CHD9: variants seen among roughly 807,000 people sequenced by gnomAD.
CHD9 encodes the protein ATP-dependent chromatin remodeler CHD9.
In CHD9, 77 loss-of-function variants were observed where a neutral mutation model predicts 316.1. That is an observed-to-expected ratio of 0.24 (90% CI 0.20 to 0.29). The LOEUF is 0.29. Ranked by LOEUF, CHD9 falls within the 10% of genes least tolerant of loss-of-function variation. The pLI is 1.00. For synonymous variants in CHD9, 1,129 were observed against 1,158.3 expected, an observed-to-expected ratio of 0.97 and a Z score of 0.51; for missense variants, 2,763 against 3,438.1, an observed-to-expected ratio of 0.80 and a Z score of 4.91.
chr16:53,222,890 A>G, intron 4 of CHD9, 135 bp downstream of exon 4: 2 of 544,122 alleles, frequency 3.7e-6, no homozygotes, highest in Non-Finnish European at 6.7e-6. Context: ...TGAAGGTAGC[A>G]TTATTACAAT....
At chr16:53,241,790 G>A (rs916601327) in intron 12 of CHD9, among the ~76,000 whole-genome samples, 9 of 152,092 alleles carry the variant, frequency 5.9e-5, no homozygotes, top group African/African-American at 1.9e-4. Flanking sequence ...CTTTTTAACT[G>A]TTCTCCATGA....
rs200649460 is a variant in CHD9 at position 53,324,143 on chromosome 16, G to A, written c.7942G>A (p.Ala2648Thr). ...IAKATAAAAAASATSVSGNPL... is the reference protein window; with the variant it reads ...IAKATAAAAATSATSVSGNPL... ...AAAGGCCACAGCAGCAGCAGCTGCT[G>A]CATCTGCCACCAGTGTTTCAGGCAA... The change falls in exon 39 of 39, where the codon GCA becomes ACA. Residue 2648 changes from alanine to threonine, a missense_variant. Coordinates refer to ENST00000447540, the MANE Select transcript of CHD9 (RefSeq NM_001308319.2). 4.3e-6 allele frequency: 7 copies of A among 1,613,992 alleles called. No homozygotes were observed. In the East Asian group the frequency reaches 1.3e-4, roughly 31 times the overall value.
chr16:53,136,094 T>C (rs1283071502), intron 1 of CHD9, among the ~76,000 whole-genome samples: 1 of 152,162 alleles, frequency 6.6e-6, no homozygotes, highest in Non-Finnish European at 1.5e-5. Context: ...GTAGAAGTTA[T>C]AGTTCAGTCA....
intron 1 of CHD9, among the ~76,000 whole-genome samples, chr16:53,086,623 T>C (rs996880145): frequency 2.0e-5 from 3 of 152,220 alleles, no homozygotes; most frequent in Admixed American, 1.3e-4. Flanking sequence ...AAAAAATCAT[T>C]TGTGAGGTGC....
At chr16:53,151,215 C>CCCCCT (rs1489167694) in intron 1 of CHD9, among the ~76,000 whole-genome samples, 1 of 119,696 alleles carries the variant, frequency 8.4e-6, no homozygotes, top group African/African-American at 3.3e-5. Context: ...CCTCCCCTCC[C>CCCCCT]CCCCTCCCCT....
intron 24 of CHD9, among the ~76,000 whole-genome samples, chr16:53,285,238 A>C (rs1438361320): frequency 6.6e-6 from 1 of 152,210 alleles, no homozygotes; most frequent in Non-Finnish European, 1.5e-5. Flanking sequence ...AAATGAAATA[A>C]TTGAACCAGA....
Position 53,115,854 on chromosome 16 carries a change from G to T in CHD9, c.-164-40072G>T, listed in dbSNP as rs138668140. 2.4e-3 allele frequency among the ~76,000 whole-genome samples: 371 copies of T among 152,280 alleles called. 1 individual carries two copies. Among genetic ancestry groups the T allele is most frequent in the African/African-American group, 8.6e-3 (358 of 41,572 alleles). On this transcript the variant is annotated intron_variant, in intron 1 of 38. Transcript: ENST00000447540. ...ACTAGGAAATTAGGAGTCAAAGAAGGCCTCTAATATGAGGAATTATTTTTG... is the reference window on the plus strand; with the variant it reads ...ACTAGGAAATTAGGAGTCAAAGAAGTCCTCTAATATGAGGAATTATTTTTG...
intron 37 of CHD9, chr16:53,321,023 T>TA: frequency 4.0e-6 from 1 of 249,648 alleles, no homozygotes; most frequent in Non-Finnish European, 8.1e-6. Context: ...AGTTTACATT[T>TA]AAAGTACTTA....
At chr16:53,076,431 C>T (rs896760445) in intron 1 of CHD9, among the ~76,000 whole-genome samples, 4 of 151,990 alleles carry the variant, frequency 2.6e-5, no homozygotes, top group African/African-American at 9.7e-5. Context: ...AAAAATTAGT[C>T]AGGCATGGTG....
intron 1 of CHD9, among the ~76,000 whole-genome samples, chr16:53,119,647 A>C (rs952534911): frequency 6.6e-6 from 1 of 152,180 alleles, no homozygotes; most frequent in Non-Finnish European, 1.5e-5. Flanking sequence ...AGCCTGGCCA[A>C]CATGGTGAAA....
rs777702592 is a variant in CHD9, at chr16:53,243,311, T to TTTTG, written c.3054+311_3054+314dup. On this transcript the variant is annotated intron_variant, in intron 13 of 38. Coordinates refer to ENST00000447540, the MANE Select transcript of CHD9 (RefSeq NM_001308319.2). ...AAGAAAATAAGACCGTAAGTTTTTG[T>TTTTG]TTTGTTTGTTTGTTTGTTTAAGATG... Among the ~76,000 whole-genome samples, 7 of 152,036 alleles carry TTTTG rather than the reference T, an allele frequency of 4.6e-5. No homozygotes were observed. The South Asian group carries it at 1.0e-3, about 23-fold the overall frequency.
chr16:53,227,428 A>G lies in CHD9; in HGVS notation c.2076A>G (p.Val692=). 1 of 1,572,266 alleles carries G rather than the reference A, an allele frequency of 6.4e-7. No homozygotes were observed. Among genetic ancestry groups the G allele is most frequent in the Non-Finnish European group, 8.6e-7 (1 of 1,157,632 alleles). ...CGAGTGAAGAAGATGCTGCAATTGT[A>G]GACAAAATTCTATCTTCTAGAACCG... ...ENPSEEDAAI[V]DKILSSRTVK... The change falls in exon 6 of 39, where the codon GTA becomes GTG. Residue 692 remains valine (V), a synonymous_variant. Transcript: ENST00000447540.
intron 2 of CHD9, among the ~76,000 whole-genome samples, chr16:53,204,612 A>G (rs1418080742): frequency 6.6e-6 from 1 of 151,902 alleles, no homozygotes; most frequent in Non-Finnish European, 1.5e-5. Context: ...GTGTATCATG[A>G]CTTGCTATTA....
At chr16:53,213,805 G>T (rs1430741159) in intron 3 of CHD9, among the ~76,000 whole-genome samples, 2 of 152,084 alleles carry the variant, frequency 1.3e-5, no homozygotes, top group Non-Finnish European at 2.9e-5. Context: ...TAGATTTTCT[G>T]GCTGACATAA....
chr16:53,231,363 A>T, intron 8 of CHD9, 56 bp from the exon 9 acceptor site: 2 of 991,500 alleles, frequency 2.0e-6, no homozygotes, highest in Non-Finnish European at 3.1e-6. Context: ...ATTCGTCCTT[A>T]CTTTTATCAT....
intron 3 of CHD9, among the ~76,000 whole-genome samples, chr16:53,219,589 AG>A (rs1376511142): frequency 2.0e-4 from 30 of 152,306 alleles, no homozygotes; most frequent in Middle Eastern, 6.8e-3. Context: ...GAGCCAAGAA[AG>A]GGGCCAAAAG....
chr16:53,166,102 G>C (rs1271990307), intron 2 of CHD9, among the ~76,000 whole-genome samples: 17 of 152,020 alleles, frequency 1.1e-4, no homozygotes, highest in Non-Finnish European at 2.4e-4. Context: ...CTACTTCTTG[G>C]TTTTGTTATT....
intron 25 of CHD9, among the ~76,000 whole-genome samples, 171 bp downstream of exon 25, chr16:53,285,870 G>A (rs1265418300): frequency 6.6e-6 from 1 of 152,148 alleles, no homozygotes; most frequent in South Asian, 2.1e-4. Context: ...ACATTACCTC[G>A]TGGGAGGGTG....
intron 1 of CHD9, among the ~76,000 whole-genome samples, chr16:53,067,930 G>A (rs1259692838): frequency 6.6e-6 from 1 of 151,974 alleles, no homozygotes; most frequent in Non-Finnish European, 1.5e-5. Context: ...ATGGTGGCAT[G>A]TGCCTGTGGT....
Sources: allele counts gnomAD v4.1 joint callset (sites outside exome capture counted in the v4.1 genomes callset), GRCh38; gene constraint gnomAD v4.1.1; transcripts MANE v1.5; gene names NCBI Gene and HGNC (gene_info 2026-07-23, HGNC 2026-07-21).